Variants in DEPDC5 observed in about 807,000 individuals in gnomAD.
DEPDC5 encodes DEP domain containing 5, GATOR1 subcomplex subunit.
A neutral mutation model predicts 217.3 loss-of-function variants in DEPDC5; 73 were observed. The ratio of observed to expected loss-of-function variants is 0.34; its 90% confidence interval spans 0.28 to 0.41. The LOEUF (loss-of-function observed/expected upper bound fraction) is 0.41. Ranked by LOEUF, DEPDC5 falls within the 10% of genes least tolerant of loss-of-function variation. The pLI is 1.00. For synonymous variants in DEPDC5, 733 were observed against 756.7 expected (o/e 0.97, Z 0.51); for missense variants, 1,675 against 2,070.1 (o/e 0.81, Z 3.70).
Position 31,755,303 on chromosome 22 carries a change from T to G in DEPDC5, c.58+324T>G, listed in dbSNP as rs1014794794. 26 of 372,316 alleles carry G rather than the reference T, an allele frequency of 7.0e-5. No homozygotes were observed. In the South Asian group the frequency reaches 8.0e-4, roughly 11 times the overall value. The allele number at this position is 372,316 out of a possible 1,614,324, so 23.1% of individuals were successfully genotyped here. A position where few individuals can be genotyped will look rare whatever the true frequency, so the allele number is the denominator to read the frequency against. ...GTTTGGCAGATAAGAGAAACTAAAA[T>G]CGTTTATCAGTTTTTACATTGAGTG... On this transcript the variant is annotated intron_variant, in intron 2 of 42. Transcript: ENST00000651528.
intron 10 of DEPDC5, among the ~76,000 whole-genome samples, chr22:31,786,247 C>T (rs1332772924): frequency 1.3e-5 from 2 of 150,374 alleles, no homozygotes; most frequent in Non-Finnish European, 3.0e-5. Context: ...CAGAGTGAGA[C>T]TCCATCTCAT....
Position 31,792,116 on chromosome 22 carries a change from T to C in DEPDC5, c.694+14T>C, listed in dbSNP as rs763646161. On this transcript the variant is annotated intron_variant, in intron 11 of 42. Transcript: ENST00000651528. ...CAAAATCTGTTGGTGAGTAACTATT[T>C]CTCTCCTACAGTTATGTTTTTGTTA... The C allele has an allele frequency of 5.7e-6, 9 of 1,579,732 alleles. 1 individual carries two copies. In the South Asian group the frequency reaches 1.0e-4, roughly 17 times the overall value.
Position 31,754,109 on chromosome 22 carries a change from A to AG in DEPDC5, c.-115dup, listed in dbSNP as rs2075113167. ...TCTGGAGGAGGCGCAGGGAACCTGG[A>AG]GAGGGTCCAGCCCTCAGTGCCCCGG... On this transcript the variant is annotated 5_prime_UTR_variant, in exon 1 of 43. Coordinates refer to ENST00000651528, the MANE Select transcript of DEPDC5 (RefSeq NM_001242896.3). 6.5e-6 allele frequency: 1 copy of AG among 153,226 alleles called. No individual in the cohort carries two copies. The highest frequency in any genetic ancestry group is 1.5e-5 in the Non-Finnish European group (1 of 68,842). The allele number at this position is 153,226 out of a possible 1,614,324, so 9.5% of individuals were successfully genotyped here.
chr22:31,763,960 C>A (rs565642301), intron 4 of DEPDC5, among the ~76,000 whole-genome samples: 1 of 151,952 alleles, frequency 6.6e-6, no homozygotes, highest in Admixed American at 6.6e-5. Flanking sequence ...GATGGAGTAT[C>A]CCTCTGTCGC....
At chr22:31,849,093 C>G (rs1208679349) in intron 31 of DEPDC5, among the ~76,000 whole-genome samples, 1 of 152,182 alleles carries the variant, frequency 6.6e-6, no homozygotes, top group Non-Finnish European at 1.5e-5. Context: ...CAAACTTTCC[C>G]ACATCTTCCT....
intron 31 of DEPDC5, among the ~76,000 whole-genome samples, chr22:31,857,008 T>A (rs2092329813): frequency 6.6e-6 from 1 of 152,180 alleles, no homozygotes; most frequent in African/African-American, 2.4e-5. Context: ...TGACCTCAGA[T>A]GATCCACCCA....
intron 32 of DEPDC5, chr22:31,858,142 TC>T (rs1228903809): frequency 2.0e-5 from 3 of 152,366 alleles, no homozygotes; most frequent in Non-Finnish European, 4.4e-5. Context: ...CGTCTGGTTT[TC>T]CTTCACCCTC....
In DEPDC5 at chr22:31,846,960, A is replaced by C. The variant is rs369930482; in HGVS notation, c.3148A>C (p.Ser1050Arg). 1 of 1,614,262 alleles carries C rather than the reference A, an allele frequency of 6.2e-7. No individual in the cohort carries two copies. The highest frequency in any genetic ancestry group is 8.5e-7 in the Non-Finnish European group (1 of 1,180,042). ...ALSALLEMEA[S>R]QKCLGEQQAA... ...CTCTGCCCTGTTGGAGATGGAGGCC[A>C]GTCAGAAGTAAGTGCTTGGTGGAAG... Residue 1050 changes from serine to arginine, a missense_variant, in exon 31 of 43, where the codon AGT becomes CGT. Physicochemically the swap from Ser to Arg is moderately radical, Grantham distance 110. Coordinates refer to ENST00000651528, the MANE Select transcript of DEPDC5 (RefSeq NM_001242896.3).
chr22:31,893,374 A>G (rs1420526822), intron 38 of DEPDC5, among the ~76,000 whole-genome samples: 2 of 152,192 alleles, frequency 1.3e-5, no homozygotes, highest in African/African-American at 2.4e-5. Flanking sequence ...AACAGAAACC[A>G]TATGTCTCAC....
rs763490776 is a variant in DEPDC5 at position 31,843,661 on chromosome 22, G to T, written c.2650G>T (p.Ala884Ser). ...RYLPKYPYES[A>S]QIHYTYSLCP... ...ATTTTGCAGGTATCCTTATGAATCTGCCCAGATCCACTACACCTACAGCCT... is the reference window on the plus strand; with the variant it reads ...ATTTTGCAGGTATCCTTATGAATCTTCCCAGATCCACTACACCTACAGCCT... Residue 884 changes from alanine to serine, a missense_variant, in exon 29 of 43, where the codon GCC becomes TCC. Around this residue, in one of 11 missense-constraint regions of DEPDC5, gnomAD observed 293 missense variants for 386.1 expected, o/e 0.76. Transcript: ENST00000651528. 5 of 1,606,028 alleles carry T rather than the reference G, an allele frequency of 3.1e-6. No individual in the cohort carries two copies. In the South Asian group the frequency reaches 5.5e-5, roughly 18 times the overall value.
At chr22:31,860,291 C>T (rs184736202) in intron 32 of DEPDC5, among the ~76,000 whole-genome samples, 18 of 152,296 alleles carry the variant, frequency 1.2e-4, no homozygotes, top group East Asian at 7.7e-4. Context: ...ATCAGCATCT[C>T]CGCAGCCACA....
intron 38 of DEPDC5, among the ~76,000 whole-genome samples, chr22:31,892,679 A>G (rs554156048): frequency 6.6e-6 from 1 of 152,200 alleles, no homozygotes; most frequent in African/African-American, 2.4e-5. Flanking sequence ...GTGAGACTCC[A>G]TCTCTGAAAA....
rs151220030 is a variant in DEPDC5, at chr22:31,779,309, A to G, written c.483+1141A>G. ...TACATGTATGTTTGTGCGTGTGTGT[A>G]TACACATGACCCAATTAATTGCCAG... is the stretch of plus-strand genomic sequence containing the variant. On this transcript the variant is annotated intron_variant, in intron 8 of 42. Coordinates refer to ENST00000651528, the MANE Select transcript of DEPDC5 (RefSeq NM_001242896.3). Among the ~76,000 whole-genome samples the G allele has an allele frequency of 4.5e-3, 682 of 152,308 alleles. 1 individual carries two copies. Among genetic ancestry groups the G allele is most frequent in the African/African-American group, 0.015 (637 of 41,590 alleles).
At chr22:31,896,919 A>T (rs1016975447) in intron 39 of DEPDC5, among the ~76,000 whole-genome samples, 4 of 152,162 alleles carry the variant, frequency 2.6e-5, no homozygotes, top group African/African-American at 9.7e-5. Flanking sequence ...GGAGTTCGAG[A>T]CCATACTGGC....
intron 25 of DEPDC5, among the ~76,000 whole-genome samples, chr22:31,836,582 TAGCC>T (rs998994369): frequency 5.9e-5 from 9 of 152,196 alleles, no homozygotes; most frequent in African/African-American, 2.2e-4. Flanking sequence ...TTTCCCCACC[TAGCC>T]ACTCTGCAGT....
At chr22:31,850,780 T>G (rs2091981173) in intron 31 of DEPDC5, among the ~76,000 whole-genome samples, 1 of 152,038 alleles carries the variant, frequency 6.6e-6, no homozygotes, top group Admixed American at 6.6e-5. Context: ...AAAACCCAGT[T>G]TTGCTTGAGG....
intron 7 of DEPDC5, among the ~76,000 whole-genome samples, chr22:31,774,565 G>A (rs1373319132): frequency 6.6e-6 from 1 of 151,966 alleles, no homozygotes; most frequent in Non-Finnish European, 1.5e-5. Context: ...AGCTGGCTGG[G>A]TGCGGTGGCT....
At chr22:31,763,121 G>T (rs1249532178) in intron 4 of DEPDC5, among the ~76,000 whole-genome samples, 1 of 152,058 alleles carries the variant, frequency 6.6e-6, no homozygotes, top group Non-Finnish European at 1.5e-5. Context: ...CTCCTCAGTA[G>T]CTGGGATTAC....
chr22:31,870,742 CA>C lies in DEPDC5; in HGVS notation c.3484del (p.Ser1162AlafsTer10). 2 of 1,563,712 alleles carry C rather than the reference CA, an allele frequency of 1.3e-6. No homozygotes were observed. Among genetic ancestry groups the C allele is most frequent in the Non-Finnish European group, 1.7e-6 (2 of 1,157,478 alleles). ...ACTCCTCCACAAACTCCAGTGACAG[CA>C]GGTGAGATTCAGAGTGGCCAAACTC... is the stretch of plus-strand genomic sequence containing the variant. ...GYSSTNSSDSSSQQLVASSLT... is the reference protein window; with the variant it reads ...GYSSTNSSDSXSQQLVASSLT... On this transcript the variant is annotated frameshift_variant and splice_region_variant, in exon 34 of 43. Transcript: ENST00000651528. LOFTEE classifies it high-confidence loss of function.
Sources: allele counts gnomAD v4.1 joint callset (sites outside exome capture counted in the v4.1 genomes callset), GRCh38; gene constraint gnomAD v4.1.1; regional missense constraint gnomAD v4.1.1; transcripts MANE v1.5; gene names NCBI Gene and HGNC (gene_info 2026-07-23, HGNC 2026-07-21).